TSPEAR: variants seen among roughly 807,000 people sequenced by gnomAD.
The protein encoded by TSPEAR is thrombospondin type laminin G domain and EAR repeats.
Under a neutral mutation model 71.6 loss-of-function variants are expected in TSPEAR, and 69 were observed. That is an observed-to-expected ratio of 0.96 (90% CI 0.79 to 1.18). The LOEUF is 1.18. Ranked by LOEUF, TSPEAR falls within the 50% of genes most tolerant of loss-of-function variation. The pLI is 0.00. For missense variants in TSPEAR, 971 were observed against 894.9 expected, an observed-to-expected ratio of 1.09 and a Z score of -1.09; for synonymous variants, 402 against 387.2, an observed-to-expected ratio of 1.04 and a Z score of -0.45.
chr21:44,705,625 C>A (rs1256391483), intron 1 of TSPEAR, among the ~76,000 whole-genome samples: 2 of 152,158 alleles, frequency 1.3e-5, no homozygotes, highest in Non-Finnish European at 2.9e-5. Flanking sequence ...GAAATAAACT[C>A]CAGTCTCCCA....
At chr21:44,608,825 C>G (rs1189186395) in intron 1 of TSPEAR, among the ~76,000 whole-genome samples, 6 of 152,154 alleles carry the variant, frequency 3.9e-5, no homozygotes, top group African/African-American at 1.4e-4. Context: ...ATATGCTAAG[C>G]CAACATATGC....
At position 44,604,937 on chromosome 21, in the gene TSPEAR, C is replaced by T. The variant is rs189406237; in HGVS notation, c.83-36932G>A. On this transcript the variant is annotated intron_variant, in intron 1 of 11. Transcript: ENST00000323084. ...TCTTGCATCCCTGGGATAAATCCCA[C>T]TGGATCATAGTGAAGGATCTTTTTA... Among the ~76,000 whole-genome samples the T allele has an allele frequency of 3.1e-3, 476 of 152,324 alleles. 3 individuals carry two copies. The highest frequency in any genetic ancestry group is 0.011 in the African/African-American group (454 of 41,566).
chr21:44,535,146 G>A (rs1384010278), intron 2 of TSPEAR, among the ~76,000 whole-genome samples: 1 of 152,104 alleles, frequency 6.6e-6, no homozygotes, highest in African/African-American at 2.4e-5. Context: ...GGAGATGGAC[G>A]GTGGTGATGG....
At chr21:44,669,680 A>G (rs4401291) in intron 1 of TSPEAR, among the ~76,000 whole-genome samples, 6,000 of 152,250 alleles carry the variant, frequency 0.039, 129 homozygotes, top group Middle Eastern at 0.085. Flanking sequence ...GGCAACAGCC[A>G]TCCCAGTATT....
intron 1 of TSPEAR, among the ~76,000 whole-genome samples, chr21:44,672,339 G>A (rs1555946105): frequency 6.6e-6 from 1 of 152,222 alleles, no homozygotes; most frequent in Non-Finnish European, 1.5e-5. Context: ...GGGAGGCTAA[G>A]GCGGGCGGAT....
In TSPEAR at chr21:44,521,988, G is replaced by A. The variant is rs782609192; in HGVS notation, c.1461C>T (p.Tyr487=). Residue 487 remains tyrosine, a synonymous_variant, in exon 9 of 12, where the codon TAC becomes TAT. Coordinates refer to ENST00000323084, the MANE Select transcript of TSPEAR (RefSeq NM_144991.3). Reference sequence around the variant, plus strand: ...AGGTGTTGGCCACCACCAGGAACGAGTAGGGCCCCACACTGAAGAACTCCC... The same window carrying A: ...AGGTGTTGGCCACCACCAGGAACGAATAGGGCCCCACACTGAAGAACTCCC... The part of the protein sequence containing the change: ...YDWEFFSVGP[Y]SFLVVANTFN... 8 of 1,614,086 alleles carry A rather than the reference G, an allele frequency of 5.0e-6. No homozygotes were observed. The highest frequency in any genetic ancestry group is 5.9e-6 in the Non-Finnish European group (7 of 1,180,038).
intron 1 of TSPEAR, among the ~76,000 whole-genome samples, chr21:44,650,509 G>A (rs1191519604): frequency 6.6e-6 from 1 of 152,262 alleles, no homozygotes; most frequent in Non-Finnish European, 1.5e-5. Context: ...GCCCCTGCAG[G>A]CCAAGGACAC....
chr21:44,612,465 T>A lies in TSPEAR; in HGVS notation c.83-44460A>T. On this transcript the variant is annotated intron_variant, in intron 1 of 11. Transcript: ENST00000323084. The surrounding 1 kb of genome is among the most constrained non-coding windows in gnomAD (Gnocchi z 4.1). ...TGCCAACAGGCCTGCTGTGTGCCTG[T>A]GTGCTGCAAGTCCAACTGCTGCAAG... 1 of 1,610,548 alleles carries A rather than the reference T, an allele frequency of 6.2e-7. No individual in the cohort carries two copies. Among genetic ancestry groups the A allele is most frequent in the Non-Finnish European group, 8.5e-7 (1 of 1,177,182 alleles).
intron 9 of TSPEAR, chr21:44,517,985 ACT>A: frequency 2.6e-6 from 1 of 389,892 alleles, no homozygotes; most frequent in Non-Finnish European, 5.2e-6. Flanking sequence ...CCAGATACAG[ACT>A]CTCCTGGTTT....
intron 1 of TSPEAR, among the ~76,000 whole-genome samples, chr21:44,626,939 T>C: frequency 6.6e-6 from 1 of 151,936 alleles, no homozygotes; most frequent in Non-Finnish European, 1.5e-5. Context: ...AGCCCAGGTG[T>C]GACAGGAGAT....
At chr21:44,680,833 G>A (rs1986548827) in intron 1 of TSPEAR, among the ~76,000 whole-genome samples, 1 of 152,168 alleles carries the variant, frequency 6.6e-6, no homozygotes, top group Admixed American at 6.5e-5. Context: ...GAAGTAGAGA[G>A]TAGAATGATA....
chr21:44,579,747 G>A (rs1281974909), intron 1 of TSPEAR: 3 of 1,604,782 alleles, frequency 1.9e-6, no homozygotes, highest in Admixed American at 1.7e-5. Context: ...CTGGACTCCT[G>A]GCCTGAGCAG....
chr21:44,550,828 G>A, intron 2 of TSPEAR: 1 of 1,535,374 alleles, frequency 6.5e-7, no homozygotes, highest in South Asian at 1.2e-5. Context: ...CTAGACTGCT[G>A]GCAGCACGGA....
intron 1 of TSPEAR, among the ~76,000 whole-genome samples, chr21:44,658,556 T>C (rs1206852625): frequency 2.6e-5 from 4 of 152,184 alleles, no homozygotes; most frequent in Non-Finnish European, 4.4e-5. Flanking sequence ...CTCTTTTATC[T>C]TCATGTATTT....
In TSPEAR at chr21:44,504,825, T is replaced by C; in HGVS notation, c.1811A>G (p.Asn604Ser). The C allele has an allele frequency of 1.2e-6, 2 of 1,605,656 alleles. No homozygotes were observed. The highest frequency in any genetic ancestry group is 1.7e-6 in the Non-Finnish European group (2 of 1,177,618). Residue 604 changes from asparagine to serine, a missense_variant, in exon 11 of 12, where the codon AAC becomes AGC. Asn to Ser is a conservative substitution (Grantham distance 46). Transcript: ENST00000323084. ...CGAGAAGGTACGCCCATCGAAGGAGTTGGCCACCACCAGGAAATAATCTTC... is the reference window on the plus strand; with the variant it reads ...CGAGAAGGTACGCCCATCGAAGGAGCTGGCCACCACCAGGAAATAATCTTC... ...VGEDYFLVVANSFDGRTFSVN... is the reference protein window; with the variant it reads ...VGEDYFLVVASSFDGRTFSVN...
At chr21:44,536,536 G>T (rs1332229913) in intron 2 of TSPEAR, among the ~76,000 whole-genome samples, 3 of 152,160 alleles carry the variant, frequency 2.0e-5, no homozygotes, top group Non-Finnish European at 2.9e-5. Flanking sequence ...GAAATAGAAA[G>T]ACTTGGTTTA....
At chr21:44,629,113 T>A (rs1983096109) in intron 1 of TSPEAR, among the ~76,000 whole-genome samples, 1 of 152,060 alleles carries the variant, frequency 6.6e-6, no homozygotes, top group African/African-American at 2.4e-5. Context: ...TCCCCTCCAG[T>A]CCTCACCCAC....
At chr21:44,521,802 C>T in intron 9 of TSPEAR, 81 bp downstream of exon 9, 2 of 1,370,368 alleles carry the variant, frequency 1.5e-6, no homozygotes, top group African/African-American at 2.9e-5. Flanking sequence ...GACCCCCAGC[C>T]CACATCACCT....
chr21:44,503,228 C>T lies in TSPEAR; in HGVS notation c.1856+1552G>A, dbSNP rs868947689. On this transcript the variant is annotated intron_variant, in intron 11 of 11. Coordinates refer to ENST00000323084, the MANE Select transcript of TSPEAR (RefSeq NM_144991.3). ...GGGAAGCAAGGCGCTGGGAGGAGGC[C>T]GGCCTTGGTGAGCCCACGGGGGGAA... Among the ~76,000 whole-genome samples, 625 of 112,092 alleles carry T rather than the reference C, an allele frequency of 5.6e-3. 1 individual carries two copies. Among genetic ancestry groups the T allele is most frequent in the African/African-American group, 0.021 (528 of 25,236 alleles). The allele number at this position is 112,092 out of a possible 152,430, so 73.5% of individuals were successfully genotyped here.
Sources: gnomAD v4.1 joint callset for allele counts (sites outside exome capture counted in the v4.1 genomes callset) on GRCh38, gnomAD v4.1.1 for gene constraint, Gnocchi (gnomAD v3.1) non-coding constraint, MANE v1.5 for transcripts, NCBI Gene and HGNC (gene_info 2026-07-23, HGNC 2026-07-21) for gene names.